The following SEMA5B variants were observed in gnomAD, a reference collection of about 807,000 sequenced individuals.
SEMA5B encodes the protein semaphorin 5B, also known as semaphorin-5B.
Under a neutral mutation model 135.0 loss-of-function variants are expected in SEMA5B, and 66 were observed. The observed-to-expected ratio is 0.49, with a 90% CI of 0.40 to 0.60. The LOEUF is 0.60. Ranked by LOEUF, SEMA5B falls within the 20% of genes least tolerant of loss-of-function variation. SEMA5B has a pLI of 0.00. For synonymous variants in SEMA5B, 690 were observed against 639.5 expected, an observed-to-expected ratio of 1.08 and a Z score of -1.19; for missense variants, 1,501 against 1,566.3, an observed-to-expected ratio of 0.96 and a Z score of 0.70.
At chr3:122,994,923 G>T (rs544057251) in intron 1 of SEMA5B, among the ~76,000 whole-genome samples, 1 of 152,342 alleles carries the variant, frequency 6.6e-6, no homozygotes, top group South Asian at 2.1e-4. Context: ...GGGAAACGGA[G>T]GTAGTGGCTC....
At chr3:122,930,003 G>A (rs888458494) in intron 5 of SEMA5B, among the ~76,000 whole-genome samples, 16 of 152,210 alleles carry the variant, frequency 1.1e-4, no homozygotes, top group Non-Finnish European at 1.6e-4. Context: ...TCTGGGTCAC[G>A]TGTATAAACA....
chr3:122,912,329 C>T lies in SEMA5B; in HGVS notation c.2739G>A (p.Trp913Ter). The T allele has an allele frequency of 6.2e-7, 1 of 1,601,186 alleles. No individual in the cohort carries two copies. Among genetic ancestry groups the T allele is most frequent in the Non-Finnish European group, 8.5e-7 (1 of 1,173,902 alleles). The change falls in exon 19 of 23, where the codon TGG (tryptophan) becomes TGA (stop). Residue 913 changes from tryptophan (W) to a stop codon, truncating the protein, a stop_gained. Coordinates refer to ENST00000357599, the MANE Select transcript of SEMA5B (RefSeq NM_001031702.4). LOFTEE classifies it high-confidence loss of function. Reference protein sequence around the residue: ...NPQACPVRGAWSCWTSWSPCS... With the variant: ...NPQACPVRGA Reference sequence around the variant, plus strand: ...ATGGAGACCATGAGGTCCAGCAGGACCAAGCACCCCGAACTGCAAGGGGAC... The same window carrying T: ...ATGGAGACCATGAGGTCCAGCAGGATCAAGCACCCCGAACTGCAAGGGGAC...
Position 122,913,529 on chromosome 3 carries a change from C to T in SEMA5B, c.2280+5G>A. On this transcript the variant is annotated splice_donor_5th_base_variant and intron_variant, in intron 16 of 22. Coordinates refer to ENST00000357599, the MANE Select transcript of SEMA5B (RefSeq NM_001031702.4). ...GCGCCCCTGGCCCACGGCCCCAACC[C>T]TCACCACGCCGCAGCCCAGGCAGGA... 2 of 1,609,954 alleles carry T rather than the reference C, an allele frequency of 1.2e-6. No homozygotes were observed. The highest frequency in any genetic ancestry group is 1.7e-6 in the Non-Finnish European group (2 of 1,179,074).
Position 122,929,078 on chromosome 3 carries a change from G to A in SEMA5B, c.475-20C>T. 2 of 1,608,648 alleles carry A rather than the reference G, an allele frequency of 1.2e-6. No individual in the cohort carries two copies. The highest frequency in any genetic ancestry group is 1.7e-6 in the Non-Finnish European group (2 of 1,178,646). On this transcript the variant is annotated intron_variant, in intron 5 of 22. Coordinates refer to ENST00000357599, the MANE Select transcript of SEMA5B (RefSeq NM_001031702.4). ...TGTGGCCTGGGGGAGGAACATAGGA[G>A]CACACAGACATCACATGGCTGTGTC...
At chr3:122,914,880 C>T (rs1344576679) in intron 14 of SEMA5B, among the ~76,000 whole-genome samples, 1 of 152,148 alleles carries the variant, frequency 6.6e-6, no homozygotes, top group Non-Finnish European at 1.5e-5. Context: ...CACTTCACTC[C>T]AGCCTGGGCA....
At chr3:122,964,188 C>T (rs548257101) in intron 1 of SEMA5B, among the ~76,000 whole-genome samples, 8 of 152,352 alleles carry the variant, frequency 5.3e-5, no homozygotes, top group African/African-American at 1.9e-4. Context: ...AATATCCTGA[C>T]TCACGTTTCA....
At chr3:122,957,301 T>C (rs1276360949) in intron 2 of SEMA5B, among the ~76,000 whole-genome samples, 1 of 152,204 alleles carries the variant, frequency 6.6e-6, no homozygotes, top group Non-Finnish European at 1.5e-5. Context: ...AAGCTGGTCT[T>C]GCACCCAGAA....
intron 4 of SEMA5B, among the ~76,000 whole-genome samples, chr3:122,942,534 T>C (rs555158054): frequency 6.6e-6 from 1 of 152,216 alleles, no homozygotes; most frequent in South Asian, 2.1e-4. Flanking sequence ...TAGGCCTGGG[T>C]TAAGGAGACC....
intron 1 of SEMA5B, among the ~76,000 whole-genome samples, chr3:123,017,229 G>A (rs1337147342): frequency 1.3e-5 from 2 of 151,976 alleles, no homozygotes; most frequent in African/African-American, 4.8e-5. Context: ...AAGTTTGGTT[G>A]AATCCTCACA....
chr3:122,928,773 C>T (rs528045684), intron 6 of SEMA5B, among the ~76,000 whole-genome samples, 158 bp from the exon 7 acceptor site: 6 of 152,380 alleles, frequency 3.9e-5, no homozygotes, highest in Non-Finnish European at 7.3e-5. Context: ...CGTCTGTGGA[C>T]GTCCCCTCCC....
At chr3:122,956,864 C>T (rs966540877) in intron 2 of SEMA5B, among the ~76,000 whole-genome samples, 2 of 152,104 alleles carry the variant, frequency 1.3e-5, no homozygotes, top group Admixed American at 6.5e-5. Context: ...CCTGGGAAAG[C>T]GGGTGACGGG....
At chr3:122,946,053 C>T (rs1681595695) in intron 3 of SEMA5B, among the ~76,000 whole-genome samples, 1 of 152,134 alleles carries the variant, frequency 6.6e-6, no homozygotes, top group Admixed American at 6.5e-5. Flanking sequence ...AAGCACGTTC[C>T]GAGCTCTGTG....
intron 1 of SEMA5B, among the ~76,000 whole-genome samples, chr3:123,006,125 T>C (rs896927701): frequency 2.6e-5 from 4 of 152,222 alleles, no homozygotes; most frequent in Non-Finnish European, 5.9e-5. Flanking sequence ...AGGGTCACTG[T>C]CCACTGGACT....
At chr3:122,967,243 AG>A (rs1404591969) in intron 1 of SEMA5B, among the ~76,000 whole-genome samples, 2 of 152,214 alleles carry the variant, frequency 1.3e-5, no homozygotes, top group African/African-American at 4.8e-5. Context: ...GAATTATCGC[AG>A]CAATTATTCA....
At chr3:122,933,644 C>T (rs974340219) in intron 5 of SEMA5B, among the ~76,000 whole-genome samples, 19 of 152,052 alleles carry the variant, frequency 1.2e-4, no homozygotes, top group Admixed American at 1.2e-3. Flanking sequence ...TCATCTTTTC[C>T]TCTGTTCTCT....
chr3:123,021,133 C>T (rs1942665027), intron 1 of SEMA5B, among the ~76,000 whole-genome samples: 3 of 152,224 alleles, frequency 2.0e-5, no homozygotes, highest in Admixed American at 2.0e-4. Context: ...CACTGAAAGT[C>T]CAGGCTCTAC....
At chr3:122,993,716 G>A (rs546939432) in intron 1 of SEMA5B, among the ~76,000 whole-genome samples, 19 of 152,132 alleles carry the variant, frequency 1.2e-4, no homozygotes, top group African/African-American at 4.3e-4. Flanking sequence ...ACAGGCAGGA[G>A]ACACCATCCC....
At position 123,003,296 on chromosome 3, in the gene SEMA5B, C is replaced by T. The variant is rs567992710; in HGVS notation, c.-39+24168G>A. ...CCCCCACTAAAACCTCAGGCTTCCC[C>T]TTGCACCCACACACTATTAGTTCAT... On this transcript the variant is annotated intron_variant, in intron 1 of 22. Transcript: ENST00000357599. Among the ~76,000 whole-genome samples the T allele has an allele frequency of 3.3e-5, 5 of 152,310 alleles. No homozygotes were observed. In the East Asian group the frequency reaches 9.7e-4, roughly 29 times the overall value.
In SEMA5B at chr3:122,913,442, G is replaced by A; in HGVS notation, c.2281-18C>T. On this transcript the variant is annotated intron_variant, in intron 16 of 22. Transcript: ENST00000357599. ...TTGAACTCCTGCGGGTGGCGGCAGA[G>A]GCAGCTTTAGAACCCCACGGCCTCC... The A allele has an allele frequency of 6.4e-7, 1 of 1,559,244 alleles. No homozygotes were observed. Among genetic ancestry groups the A allele is most frequent in the South Asian group, 1.2e-5 (1 of 85,698 alleles).
Sources: gnomAD v4.1 joint callset for allele counts (sites outside exome capture counted in the v4.1 genomes callset) on GRCh38, gnomAD v4.1.1 for gene constraint, MANE v1.5 for transcripts, NCBI Gene and HGNC (gene_info 2026-07-23, HGNC 2026-07-21) for gene names.